The following DCLK2 variants were observed in gnomAD, a reference collection of about 807,000 sequenced individuals.
The protein encoded by DCLK2 is serine/threonine-protein kinase DCLK2.
Under a neutral mutation model 78.4 loss-of-function variants are expected in DCLK2, and 31 were observed. That is an observed-to-expected ratio of 0.40 (90% CI 0.30 to 0.53). The LOEUF (loss-of-function observed/expected upper bound fraction) is 0.53, where lower values mean the gene tolerates loss of function less well. Among genes scored for constraint, DCLK2 ranks in the 20% least tolerant of loss-of-function variants. The pLI, the probability that DCLK2 is intolerant of heterozygous loss-of-function variation, is 0.61. For synonymous variants in DCLK2, 407 were observed against 374.9 expected (o/e 1.09, Z -0.99); for missense variants, 872 against 973.7 (o/e 0.90, Z 1.39).
At chr4:150,087,677 C>T (rs981545551) in intron 1 of DCLK2, among the ~76,000 whole-genome samples, 1 of 152,172 alleles carries the variant, frequency 6.6e-6, no homozygotes, top group African/African-American at 2.4e-5. Flanking sequence ...AGTTTGGACA[C>T]CCAGCAAGGC....
At chr4:150,226,789 C>T (rs1741652654) in intron 8 of DCLK2, among the ~76,000 whole-genome samples, 1 of 151,984 alleles carries the variant, frequency 6.6e-6, no homozygotes, top group South Asian at 2.1e-4. Flanking sequence ...TAAGACTATA[C>T]AAAATTATAA....
chr4:150,237,106 AC>A (rs1742566040), intron 10 of DCLK2, among the ~76,000 whole-genome samples: 1 of 34,026 alleles, frequency 2.9e-5, no homozygotes. Context: ...CATTAATAAA[AC>A]TTTTTTTTTT....
At position 150,079,045 on chromosome 4, in the gene DCLK2, T is replaced by C; in HGVS notation, c.18T>C (p.Ser6=). 2 of 1,543,064 alleles carry C rather than the reference T, an allele frequency of 1.3e-6. No homozygotes were observed. The highest frequency in any genetic ancestry group is 1.7e-6 in the Non-Finnish European group (2 of 1,149,970). MASTR[S]IELEHFEERD... Reference sequence around the variant, plus strand: ...CAGCCGCGATGGCCAGCACCAGGAGTATCGAGCTGGAGCACTTTGAGGAAC... The same window carrying C: ...CAGCCGCGATGGCCAGCACCAGGAGCATCGAGCTGGAGCACTTTGAGGAAC... Residue 6 remains serine (S), a synonymous_variant, in exon 1 of 16, where the codon AGT becomes AGC. Coordinates refer to ENST00000296550, the MANE Select transcript of DCLK2 (RefSeq NM_001040260.4).
intron 2 of DCLK2, among the ~76,000 whole-genome samples, chr4:150,160,710 A>G (rs1735640673): frequency 6.6e-6 from 1 of 152,350 alleles, no homozygotes; most frequent in African/African-American, 2.4e-5. Context: ...AGACTGTCCC[A>G]TCCAACCATC....
rs1396881065 is a variant in DCLK2 at position 150,256,407 on chromosome 4, G to A, written c.*160G>A. ...CCTGGGAACCGGAGCCTGGCGTGCC[G>A]GAGCCTGGCCTGGTGCTCTGGGCTC... On this transcript the variant is annotated 3_prime_UTR_variant, in exon 16 of 16. Transcript: ENST00000296550. 8.1e-5 allele frequency: 81 copies of A among 996,192 alleles called. No homozygotes were observed. The highest frequency in any genetic ancestry group is 1.3e-4 in the African/African-American group (8 of 60,076). The allele number at this position is 996,192 out of a possible 1,614,324, so 61.7% of individuals were successfully genotyped here.
chr4:150,099,069 G>T (rs1478400588), intron 1 of DCLK2, among the ~76,000 whole-genome samples: 1 of 152,032 alleles, frequency 6.6e-6, no homozygotes, highest in African/African-American at 2.4e-5. Context: ...TTTCAGCTAT[G>T]TCCTTGTGAG....
chr4:150,155,699 A>G (rs190966696), intron 2 of DCLK2, among the ~76,000 whole-genome samples: 7 of 152,258 alleles, frequency 4.6e-5, no homozygotes, highest in Admixed American at 4.6e-4. Context: ...CATCCATGGG[A>G]GTAGCTTATG....
Position 150,079,158 on chromosome 4 carries a change from T to G in DCLK2, c.131T>G (p.Leu44Arg), listed in dbSNP as rs764568666. 4.2e-5 allele frequency: 67 copies of G among 1,605,294 alleles called. No homozygotes were observed. Among genetic ancestry groups the G allele is most frequent in the Admixed American group, 2.9e-4 (17 of 59,454 alleles). Residue 44 changes from leucine to arginine, a missense_variant, in exon 1 of 16, where the codon CTC becomes CGC. By Grantham distance (102) the Leu-to-Arg change is moderately radical. Coordinates refer to ENST00000296550, the MANE Select transcript of DCLK2 (RefSeq NM_001040260.4). The part of the protein sequence containing the change: ...SSSSGPKGNG[L>R]IPSPAHSAHC... The stretch of plus-strand genomic sequence containing the variant: ...AGCTCGGGCCCCAAGGGGAACGGGC[T>G]CATCCCCAGTCCGGCGCACAGTGCC...
At chr4:150,177,829 T>C (rs1225808018) in intron 2 of DCLK2, among the ~76,000 whole-genome samples, 1 of 152,210 alleles carries the variant, frequency 6.6e-6, no homozygotes, top group East Asian at 1.9e-4. Context: ...ACCTCTATAA[T>C]ATGAGGTCTG....
intron 2 of DCLK2, among the ~76,000 whole-genome samples, chr4:150,132,402 G>A (rs1236449476): frequency 6.6e-6 from 1 of 152,236 alleles, no homozygotes; most frequent in Non-Finnish European, 1.5e-5. Flanking sequence ...TATGCAGAAT[G>A]CAGTGTAGAG....
intron 2 of DCLK2, among the ~76,000 whole-genome samples, chr4:150,122,410 A>G (rs576634164): frequency 6.5e-4 from 99 of 152,360 alleles, no homozygotes; most frequent in African/African-American, 2.3e-3. Flanking sequence ...ACACCATGGA[A>G]TACTATGCAG....
At chr4:150,115,939 G>A (rs1732053209) in intron 2 of DCLK2, among the ~76,000 whole-genome samples, 1 of 152,136 alleles carries the variant, frequency 6.6e-6, no homozygotes, top group African/African-American at 2.4e-5. Flanking sequence ...GTAGCCAGGG[G>A]AGCTCTCAGT....
intron 2 of DCLK2, among the ~76,000 whole-genome samples, chr4:150,144,513 T>C (rs190403651): frequency 2.6e-5 from 4 of 152,312 alleles, no homozygotes; most frequent in African/African-American, 9.6e-5. Context: ...TTAGGCAACA[T>C]GATACCTCCA....
chr4:150,110,161 T>TG (rs1272623672), intron 2 of DCLK2, among the ~76,000 whole-genome samples: 2 of 152,162 alleles, frequency 1.3e-5, no homozygotes, highest in Non-Finnish European at 2.9e-5. Context: ...AATTATGCAA[T>TG]GTAAAGTGTA....
rs185603267 is a variant in DCLK2 at position 150,120,866 on chromosome 4, C to T, written c.756+18054C>T. 1.5e-3 allele frequency among the ~76,000 whole-genome samples: 232 copies of T among 152,070 alleles called. 1 individual carries two copies. Among genetic ancestry groups the T allele is most frequent in the African/African-American group, 5.0e-3 (206 of 41,472 alleles). The stretch of plus-strand genomic sequence containing the variant: ...GGCAGATCACCTGAGGTTAGGAGTT[C>T]GAGACCAGCCTGGCCAACATGGTGA... On this transcript the variant is annotated intron_variant, in intron 2 of 15. Transcript: ENST00000296550.
intron 2 of DCLK2, among the ~76,000 whole-genome samples, chr4:150,182,569 T>C (rs1259274263): frequency 2.0e-5 from 3 of 152,182 alleles, no homozygotes; most frequent in Admixed American, 2.0e-4. Flanking sequence ...CATCGTTTAT[T>C]GCATGTTAAC....
chr4:150,232,248 A>G lies in DCLK2; in HGVS notation c.1300-89A>G. ...ATGCTTTCTTTGGCATCAGATCCACAGGCTGTGTTTGTTTTGCTGTCCTCC... is the reference window on the plus strand; with the variant it reads ...ATGCTTTCTTTGGCATCAGATCCACGGGCTGTGTTTGTTTTGCTGTCCTCC... On this transcript the variant is annotated intron_variant, in intron 8 of 15. Transcript: ENST00000296550. 7 of 1,490,994 alleles carry G rather than the reference A, an allele frequency of 4.7e-6. No individual in the cohort carries two copies. In the Middle Eastern group the frequency reaches 5.6e-4, roughly 120 times the overall value. The allele number at this position is 1,490,994 out of a possible 1,614,324, so 92.4% of individuals were successfully genotyped here. A position where few individuals can be genotyped will look rare whatever the true frequency, so the allele number is the denominator to read the frequency against.
At chr4:150,083,057 C>T (rs755893154) in intron 1 of DCLK2, among the ~76,000 whole-genome samples, 109 of 152,250 alleles carry the variant, frequency 7.2e-4, no homozygotes, top group Non-Finnish European at 1.3e-3. Context: ...TAAGTTAGGT[C>T]TCTTCTGGTT....
chr4:150,106,245 T>C (rs759508289), intron 2 of DCLK2, among the ~76,000 whole-genome samples: 1 of 152,210 alleles, frequency 6.6e-6, no homozygotes, highest in Non-Finnish European at 1.5e-5. Context: ...TCTTCAAAAC[T>C]TCAAGTCTGT....
Sources: gnomAD v4.1 joint callset for allele counts (sites outside exome capture counted in the v4.1 genomes callset) on GRCh38, gnomAD v4.1.1 for gene constraint, MANE v1.5 for transcripts, NCBI Gene and HGNC (gene_info 2026-07-23, HGNC 2026-07-21) for gene names.